RIMS2: variants seen among roughly 807,000 people sequenced by gnomAD.
The protein encoded by RIMS2 is regulating synaptic membrane exocytosis protein 2.
A neutral mutation model predicts 174.4 loss-of-function variants in RIMS2; 59 were observed. The observed-to-expected ratio is 0.34, with a 90% confidence interval of 0.27 to 0.42. RIMS2 has a LOEUF of 0.42. Ranked by LOEUF, RIMS2 falls within the 10% of genes least tolerant of loss-of-function variation. The pLI is 1.00. For missense variants in RIMS2, 1,620 were observed against 1,666.3 expected, an observed-to-expected ratio of 0.97 and a Z score of 0.48; for synonymous variants, 606 against 572.5, an observed-to-expected ratio of 1.06 and a Z score of -0.84.
chr8:104,134,200 C>T (rs2098498961), intron 19 of RIMS2, among the ~76,000 whole-genome samples: 1 of 152,186 alleles, frequency 6.6e-6, no homozygotes, highest in South Asian at 2.1e-4. Flanking sequence ...CACAGTGGCT[C>T]ACGCCTGTAA....
intron 19 of RIMS2, among the ~76,000 whole-genome samples, chr8:104,182,995 A>G (rs2136014557): frequency 6.6e-6 from 1 of 151,848 alleles, no homozygotes; most frequent in Non-Finnish European, 1.5e-5. Flanking sequence ...TTTGAGATTT[A>G]GGGGAAAAAA....
chr8:104,196,082 G>T (rs1247751863), intron 19 of RIMS2, among the ~76,000 whole-genome samples: 2 of 151,844 alleles, frequency 1.3e-5, no homozygotes, highest in Non-Finnish European at 2.9e-5. Flanking sequence ...TGAAATATTT[G>T]GTTTTTAGGT....
chr8:103,851,057 T>C (rs945304897), intron 3 of RIMS2, among the ~76,000 whole-genome samples: 5 of 152,016 alleles, frequency 3.3e-5, no homozygotes, highest in African/African-American at 1.2e-4. Flanking sequence ...AAATTATTTT[T>C]GTCAAATCTA....
intron 2 of RIMS2, among the ~76,000 whole-genome samples, chr8:103,711,285 A>C (rs2097300273): frequency 6.6e-6 from 1 of 152,134 alleles, no homozygotes. Context: ...CCTCAGGGAG[A>C]GTTCAGAGGC....
intron 3 of RIMS2, among the ~76,000 whole-genome samples, chr8:103,865,348 G>C (rs1197120481): frequency 7.5e-6 from 1 of 133,596 alleles, no homozygotes; most frequent in Non-Finnish European, 1.5e-5. Context: ...GCAGTGGCAT[G>C]ATCTCGGATC....
chr8:103,650,797 T>G (rs990655945), intron 1 of RIMS2, among the ~76,000 whole-genome samples: 16 of 152,210 alleles, frequency 1.1e-4, no homozygotes, highest in Admixed American at 1.0e-3. Flanking sequence ...ACCACAGAGA[T>G]GGTGGTCACC....
At chr8:103,818,321 A>G (rs2098730829) in intron 3 of RIMS2, among the ~76,000 whole-genome samples, 1 of 152,212 alleles carries the variant, frequency 6.6e-6, no homozygotes, top group East Asian at 1.9e-4. Context: ...CAATGAAAAT[A>G]CTAAGCATCT....
chr8:103,502,794 T>G (rs1294485361), intron 1 of RIMS2, among the ~76,000 whole-genome samples: 1 of 152,090 alleles, frequency 6.6e-6, no homozygotes, highest in African/African-American at 2.4e-5. Context: ...CTTACCTATT[T>G]AAATGTAAAA....
chr8:103,955,040 A>G (rs2086697163), intron 14 of RIMS2, among the ~76,000 whole-genome samples: 1 of 152,212 alleles, frequency 6.6e-6, no homozygotes, highest in Admixed American at 6.5e-5. Context: ...CCCTCCCAAG[A>G]CTAACCTAGA....
intron 19 of RIMS2, among the ~76,000 whole-genome samples, chr8:104,204,895 A>C (rs2099072474): frequency 6.6e-6 from 1 of 152,190 alleles, no homozygotes; most frequent in Non-Finnish European, 1.5e-5. Flanking sequence ...AAATAAGAAT[A>C]TCTCTGAAAG....
chr8:103,835,394 C>A lies in RIMS2; in HGVS notation c.699-49904C>A, dbSNP rs781585845. Among the ~76,000 whole-genome samples, 6 of 152,012 alleles carry A rather than the reference C, an allele frequency of 3.9e-5. 1 individual carries two copies. The highest frequency in any genetic ancestry group is 8.8e-5 in the Non-Finnish European group (6 of 67,998). On this transcript the variant is annotated intron_variant, in intron 3 of 23. Transcript: ENST00000504942. ...GGGATTACAGGCATGAGCCACCGTG[C>A]CTGGCCAAGACTGGGTTTTCTAACA...
Position 103,764,663 on chromosome 8 carries a change from AATAC to A in RIMS2, c.388-1556_388-1553del, listed in dbSNP as rs1429408516. Among the ~76,000 whole-genome samples the A allele has an allele frequency of 6.6e-5, 10 of 152,298 alleles. No homozygotes were observed. In the East Asian group the frequency reaches 1.2e-3, roughly 18 times the overall value. On this transcript the variant is annotated intron_variant, in intron 2 of 23. Coordinates refer to ENST00000504942, the Ensembl canonical transcript of RIMS2. ...CACATCAAAATACTTATAAAAATAAAATACATACATATATTGATATTATTTATGA... is the reference window on the plus strand; with the variant it reads ...CACATCAAAATACTTATAAAAATAAAATACATATATTGATATTATTTATGA...
At chr8:103,934,123 A>T (rs1401846490) in intron 12 of RIMS2, among the ~76,000 whole-genome samples, 3 of 152,194 alleles carry the variant, frequency 2.0e-5, no homozygotes, top group African/African-American at 7.2e-5. Context: ...AAGTAAAAAC[A>T]TCAAGTGTTT....
At chr8:103,540,575 G>C (rs898488178) in intron 1 of RIMS2, among the ~76,000 whole-genome samples, 2 of 152,188 alleles carry the variant, frequency 1.3e-5, no homozygotes, top group Non-Finnish European at 2.9e-5. Flanking sequence ...CACCAGATGT[G>C]CAGCCATCAA....
intron 19 of RIMS2, among the ~76,000 whole-genome samples, chr8:104,174,243 G>T (rs1019105644): frequency 6.6e-6 from 1 of 152,140 alleles, no homozygotes; most frequent in East Asian, 1.9e-4. Flanking sequence ...CGCTGCACCC[G>T]GCCCTAAAGG....
chr8:103,925,865 C>A (rs910742579), intron 10 of RIMS2, among the ~76,000 whole-genome samples: 1 of 151,454 alleles, frequency 6.6e-6, no homozygotes, highest in African/African-American at 2.4e-5. Flanking sequence ...CAGTAATTGC[C>A]ACTGAATTGT....
chr8:103,936,747 A>G (rs755455908), intron 13 of RIMS2, 25 bp downstream of exon 15: 1 of 1,532,934 alleles, frequency 6.5e-7, no homozygotes, highest in Non-Finnish European at 8.9e-7. Context: ...TTTAAAGTTT[A>G]TGCTATTCAT....
At chr8:103,650,776 G>C (rs1375126189) in intron 1 of RIMS2, among the ~76,000 whole-genome samples, 16 of 152,192 alleles carry the variant, frequency 1.1e-4, no homozygotes. Context: ...TGAAATGACT[G>C]AGTCTACTGA....
At chr8:104,248,933 AT>A (rs3072636) in intron 21 of RIMS2, 120 bp downstream of exon 27, 12,855 of 478,622 alleles carry the variant, frequency 0.027, no homozygotes, top group South Asian at 0.049. Flanking sequence ...CTCTCCCTCT[AT>A]TTTTTTTTTT....
Sources: allele counts gnomAD v4.1 joint callset (sites outside exome capture counted in the v4.1 genomes callset), GRCh38; gene constraint gnomAD v4.1.1; transcripts MANE v1.5; gene names NCBI Gene and HGNC (gene_info 2026-07-23, HGNC 2026-07-21).